CDKL5: variants seen among roughly 807,000 people sequenced by gnomAD.
The protein encoded by CDKL5 is cyclin dependent kinase like 5, also known as cyclin-dependent kinase-like 5.
In CDKL5, 8 loss-of-function variants were observed where a neutral mutation model predicts 61.7. That is an observed-to-expected ratio of 0.13 (90% CI 0.08 to 0.23). CDKL5 has a LOEUF of 0.23. Ranked by LOEUF, CDKL5 falls within the 10% of genes least tolerant of loss-of-function variation. CDKL5 has a pLI of 1.00. For synonymous variants in CDKL5, 275 were observed against 272.3 expected (o/e 1.01, Z -0.10); for missense variants, 440 against 734.5 (o/e 0.60, Z 4.63).
At chrX:18,552,620 G>A (rs1924438425) in intron 3 of CDKL5, among the ~76,000 whole-genome samples, 1 of 111,831 alleles carries the variant, frequency 8.9e-6, no homozygotes, top group African/African-American at 3.3e-5. Flanking sequence ...TTTAATGCAA[G>A]TTATAAAGAA....
chrX:18,560,853 A>AT lies in CDKL5; in HGVS notation c.100-3624_100-3623insT, dbSNP rs199886247. Among the ~76,000 whole-genome samples the AT allele has an allele frequency of 4.6e-3, 515 of 111,693 alleles. 4 individuals carry two copies. The highest frequency in any genetic ancestry group is 0.015 in the African/African-American group (467 of 30,791). On this transcript the variant is annotated intron_variant, in intron 3 of 17. Coordinates refer to ENST00000623535, the MANE Select transcript of CDKL5 (RefSeq NM_001323289.2). ...AAATTTTTATTTCAAAGAAAAGGAA[A>AT]AGTCCTAACAGTATTTAGGCAGAAA...
chrX:18,650,457 G>A lies in CDKL5; in HGVS notation c.2845G>A (p.Val949Ile), dbSNP rs774335258. ...CCCAAAGAAGCCTCACACTCCGTGC[G>A]TCCCAAACCGAGCCCTTCATCGTCC... The change falls in exon 21 of 22, where the codon GTC (valine) becomes ATC (isoleucine). Residue 949 changes from valine (V) to isoleucine (I), a missense_variant. Coordinates refer to the CDKL5 transcript ENST00000379989. 2.8e-5 allele frequency: 34 copies of A among 1,210,200 alleles called. No homozygotes were observed. Among genetic ancestry groups the A allele is most frequent in the East Asian group, 8.9e-5 (3 of 33,754 alleles).
rs1436926101 is a variant in CDKL5 at position 18,638,990 on chromosome X, C to G, written c.*10233C>G. On this transcript the variant is annotated 3_prime_UTR_variant, in exon 18 of 18. Transcript: ENST00000623535. ...GGTGGGACAACTGGATATCCACATGCAAAAGAATGACGTTGGACTCCTATT... is the reference window on the plus strand; with the variant it reads ...GGTGGGACAACTGGATATCCACATGGAAAAGAATGACGTTGGACTCCTATT... Among the ~76,000 whole-genome samples, 1 of 111,758 alleles carries G rather than the reference C, an allele frequency of 8.9e-6. No individual in the cohort carries two copies. Among genetic ancestry groups the G allele is most frequent in the East Asian group, 2.8e-4 (1 of 3,574 alleles).
chrX:18,553,444 G>C (rs976535999), intron 3 of CDKL5, among the ~76,000 whole-genome samples: 3 of 107,857 alleles, frequency 2.8e-5, no homozygotes, highest in Admixed American at 9.8e-5. Context: ...GACTTGGCTT[G>C]AAGGCAGTTG....
chrX:18,467,103 T>C (rs749119667), intron 1 of CDKL5, among the ~76,000 whole-genome samples: 1 of 111,565 alleles, frequency 9.0e-6, no homozygotes, highest in East Asian at 2.8e-4. Flanking sequence ...GTATAGCATA[T>C]GTACCTGACA....
At chrX:18,608,751 G>A in intron 12 of CDKL5, 60 bp from the exon 13 acceptor site, 1 of 762,022 alleles carries the variant, frequency 1.3e-6, no homozygotes, top group Non-Finnish European at 2.0e-6. Context: ...TAAAGGCCAT[G>A]ATGAGTTCCA....
intron 3 of CDKL5, among the ~76,000 whole-genome samples, chrX:18,515,887 T>A (rs1416419262): frequency 9.0e-6 from 1 of 111,431 alleles, no homozygotes; most frequent in Non-Finnish European, 1.9e-5. Flanking sequence ...ATTGTGGAAC[T>A]AGGCTTTGAT....
chrX:18,571,152 G>A (rs1023848813), intron 4 of CDKL5, among the ~76,000 whole-genome samples: 5 of 111,413 alleles, frequency 4.5e-5, no homozygotes, highest in Admixed American at 2.9e-4. Flanking sequence ...TGCATAGCGT[G>A]TATGTGAATA....
In CDKL5 at chrX:18,564,471, T is replaced by A; in HGVS notation, c.100-6T>A. ...TGACTTTCCTTCTGCTTCTTTTCCC[T>A]TGCAGGAAACACATGAAATTGTGGC... On this transcript the variant is annotated splice_polypyrimidine_tract_variant and splice_region_variant and intron_variant, in intron 3 of 17. Transcript: ENST00000623535. 2 of 1,161,996 alleles carry A rather than the reference T, an allele frequency of 1.7e-6. No homozygotes were observed. The highest frequency in any genetic ancestry group is 6.1e-5 in the East Asian group (2 of 32,822).
chrX:18,554,792 GTGTAGACATTTTAGTGT>G (rs993006862), intron 3 of CDKL5, among the ~76,000 whole-genome samples: 1 of 111,835 alleles, frequency 8.9e-6, no homozygotes, highest in Non-Finnish European at 1.9e-5. Context: ...ATAAAAATGA[GTGTAGACATTTTAGTGT>G]TGTGATAATT....
At chrX:18,469,338 CAAAAAAAAAA>C (rs34096001) in intron 1 of CDKL5, among the ~76,000 whole-genome samples, 33 of 15,669 alleles carry the variant, frequency 2.1e-3, no homozygotes, top group African/African-American at 4.1e-3. Flanking sequence ...GACTCTGTCT[CAAAAAAAAAA>C]AAAAAAAAAA....
At chrX:18,550,003 G>C (rs952606278) in intron 3 of CDKL5, among the ~76,000 whole-genome samples, 1 of 111,942 alleles carries the variant, frequency 8.9e-6, no homozygotes, top group African/African-American at 3.2e-5. Context: ...AGGTAGCTGG[G>C]TTGAGAGCCA....
At position 18,603,932 on chromosome X, in the gene CDKL5, G is replaced by A. The variant is rs764793934; in HGVS notation, c.1008G>A (p.Gln336=). The change falls in exon 12 of 18, where the codon CAG becomes CAA. Residue 336 remains glutamine, a synonymous_variant. Coordinates refer to ENST00000623535, the MANE Select transcript of CDKL5 (RefSeq NM_001323289.2). Reference sequence around the variant, plus strand: ...AAGCCGGCAAAAGTACTGCTTTGCAGTCTCACCACAGATCTAACAGCAAGG... The same window carrying A: ...AAGCCGGCAAAAGTACTGCTTTGCAATCTCACCACAGATCTAACAGCAAGG... ...RNQAGKSTAL[Q]SHHRSNSKDI... is the part of the protein sequence containing the mutation. 5 of 1,210,904 alleles carry A rather than the reference G, an allele frequency of 4.1e-6. No homozygotes were observed. The highest frequency in any genetic ancestry group is 5.6e-6 in the Non-Finnish European group (5 of 894,769).
chrX:18,606,506 A>G (rs77563436), intron 12 of CDKL5, among the ~76,000 whole-genome samples: 11,507 of 111,737 alleles, frequency 0.1, 1,193 homozygotes, highest in African/African-American at 0.31. Context: ...TCAACAGATA[A>G]GTTGTTCCAC....
intron 1 of CDKL5, chrX:18,443,902 C>T (rs1931810738): frequency 8.9e-6 from 1 of 111,919 alleles, no homozygotes; most frequent in South Asian, 3.7e-4. Context: ...CTGCACCTGG[C>T]CTAGTTTTAT....
intron 3 of CDKL5, among the ~76,000 whole-genome samples, chrX:18,529,648 T>C (rs1020604311): frequency 4.5e-5 from 5 of 111,269 alleles, no homozygotes; most frequent in African/African-American, 1.6e-4. Context: ...AGTTTTTTTT[T>C]TCTTTCAACA....
intron 3 of CDKL5, among the ~76,000 whole-genome samples, chrX:18,516,614 G>A (rs1166853496): frequency 3.7e-5 from 4 of 109,309 alleles, no homozygotes; most frequent in African/African-American, 1.3e-4. Flanking sequence ...TCGAACTCCT[G>A]GCCTCAAGCA....
At chrX:18,545,675 T>A (rs982681384) in intron 3 of CDKL5, among the ~76,000 whole-genome samples, 1 of 112,535 alleles carries the variant, frequency 8.9e-6, no homozygotes, top group Non-Finnish European at 1.9e-5. Context: ...TCTTAGAGTT[T>A]GTTCTATTCT....
In CDKL5 at chrX:18,518,388, A is replaced by ATTTTTTTTTTT. The variant is rs779361711; in HGVS notation, c.99+7559_99+7569dup. Among the ~76,000 whole-genome samples the ATTTTTTTTTTT allele has an allele frequency of 1.1e-3, 23 of 21,162 alleles. 3 individuals carry two copies. The highest frequency in any genetic ancestry group is 2.1e-3 in the East Asian group (1 of 484). The allele number at this position is 21,162 out of a possible 115,157, so 18.4% of individuals were successfully genotyped here. ...AAGTCATGTTTTCTTTTCTTTTCTT[A>ATTTTTTTTTTT]TTTTTTTTTTTTTTTTTTTTTTTTT... On this transcript the variant is annotated intron_variant, in intron 3 of 17. Transcript: ENST00000623535.
Sources: gnomAD v4.1 joint callset for allele counts (sites outside exome capture counted in the v4.1 genomes callset) on GRCh38, gnomAD v4.1.1 for gene constraint, MANE v1.5 for transcripts, NCBI Gene and HGNC (gene_info 2026-07-23, HGNC 2026-07-21) for gene names.